EPB41L1: variants seen among roughly 807,000 people sequenced by gnomAD.
EPB41L1 encodes band 4.1-like protein 1.
In EPB41L1, 29 loss-of-function variants were observed where a neutral mutation model predicts 97.8. That is an observed-to-expected ratio of 0.30 (90% CI 0.22 to 0.40). The LOEUF is 0.40. Among genes scored for constraint, EPB41L1 ranks in the 10% least tolerant of loss-of-function variants. The pLI, the probability that EPB41L1 is intolerant of heterozygous loss-of-function variation, is 1.00. For synonymous variants in EPB41L1, 383 were observed against 459.2 expected (o/e 0.83, Z 2.12); for missense variants, 812 against 1,162.3 (o/e 0.70, Z 4.38).
At chr20:36,175,326 A>G (rs1022611281) in intron 2 of EPB41L1, among the ~76,000 whole-genome samples, 1 of 152,154 alleles carries the variant, frequency 6.6e-6, no homozygotes, top group Non-Finnish European at 1.5e-5. Context: ...CCTGCAGGGA[A>G]GATGGGGACC....
chr20:36,126,424 T>C (rs1344144112), intron 2 of EPB41L1, among the ~76,000 whole-genome samples: 3 of 150,474 alleles, frequency 2.0e-5, no homozygotes, highest in Non-Finnish European at 4.4e-5. Flanking sequence ...TGGAGTGCAA[T>C]GGCGTGATCT....
At chr20:36,150,051 A>G (rs2059985859), upstream of EPB41L1, 1 of 151,782 alleles carries the variant, frequency 6.6e-6, no homozygotes, top group East Asian at 1.9e-4. Flanking sequence ...TTAACCCAAT[A>G]CATTCATAAG....
Position 36,206,716 on chromosome 20 carries a change from G to A in EPB41L1, c.1669-2772G>A, listed in dbSNP as rs773405744. The A allele has an allele frequency of 1.7e-4, 224 of 1,289,712 alleles. No homozygotes were observed. The highest frequency in any genetic ancestry group is 2.0e-4 in the Non-Finnish European group (198 of 988,872). 79.9% of individuals were successfully genotyped at this position (1,289,712 alleles called of 1,614,324 possible). ...ACCTGGTGACCTGAAGGGATCTCCC[G>A]CAGGACAGACGTTTGCTGAAGGCTG... On this transcript the variant is annotated intron_variant, in intron 14 of 21. Coordinates refer to ENST00000338074, the MANE Select transcript of EPB41L1 (RefSeq NM_012156.2). This position sits in a 1 kb window ranked among gnomAD's most constrained non-coding sequence, Gnocchi z 5.5.
At position 36,232,145 on chromosome 20, in the gene EPB41L1, A is replaced by G. The variant is rs1056941386; in HGVS notation, c.*2805A>G. On this transcript the variant is annotated 3_prime_UTR_variant, in exon 22 of 22. Coordinates refer to ENST00000338074, the MANE Select transcript of EPB41L1 (RefSeq NM_012156.2). ...GGAGGAGGGGACCTGCAAAGCTAGA[A>G]TCTAGGGCACTGTTTCCTCCCCATC... is the stretch of plus-strand genomic sequence containing the variant. The G allele has an allele frequency of 3.3e-5, 5 of 153,386 alleles. No individual in the cohort carries two copies. Among genetic ancestry groups the G allele is most frequent in the Middle Eastern group, 6.7e-3 (2 of 298 alleles). The allele number at this position is 153,386 out of a possible 1,614,324, so 9.5% of individuals were successfully genotyped here. A position where few individuals can be genotyped will look rare whatever the true frequency, so the allele number is the denominator to read the frequency against.
At chr20:36,140,610 G>T (rs919605065) in intron 2 of EPB41L1, among the ~76,000 whole-genome samples, 1 of 152,110 alleles carries the variant, frequency 6.6e-6, no homozygotes, top group Non-Finnish European at 1.5e-5. Context: ...GGAAGAATCC[G>T]TGTATTTCAG....
chr20:36,118,765 G>A (rs2058663372), intron 2 of EPB41L1, among the ~76,000 whole-genome samples: 1 of 152,134 alleles, frequency 6.6e-6, no homozygotes, highest in Non-Finnish European at 1.5e-5. Flanking sequence ...ATTAATGAAT[G>A]TAAATTTATT....
rs144787915 is a variant in EPB41L1, at chr20:36,140,095, C to T, written c.-10+27615C>T. Among the ~76,000 whole-genome samples the T allele has an allele frequency of 4.4e-3, 671 of 151,764 alleles. 2 individuals are homozygous for T. The highest frequency in any genetic ancestry group is 0.014 in the Middle Eastern group (4 of 292). Reference sequence around the variant, plus strand: ...TTTGAGACAGAGTCTCGCTCTGTCACCCAGGCTGGAGTGCAGAAGCGCAAT... The same window carrying T: ...TTTGAGACAGAGTCTCGCTCTGTCATCCAGGCTGGAGTGCAGAAGCGCAAT... On this transcript the variant is annotated intron_variant, in intron 2 of 19. Transcript: ENST00000202028.
chr20:36,211,371 A>T (rs1319990271), intron 15 of EPB41L1, among the ~76,000 whole-genome samples: 1 of 152,048 alleles, frequency 6.6e-6, no homozygotes, highest in Middle Eastern at 3.2e-3. Flanking sequence ...ACGGAACGAG[A>T]TTCCATCTCA....
At chr20:36,181,612 A>G (rs2061475115) in intron 5 of EPB41L1, among the ~76,000 whole-genome samples, 1 of 152,216 alleles carries the variant, frequency 6.6e-6, no homozygotes, top group African/African-American at 2.4e-5. Flanking sequence ...GAGTTTTCCA[A>G]CATGTGTTCT....
chr20:36,192,187 T>C (rs2061985087), intron 11 of EPB41L1, among the ~76,000 whole-genome samples: 1 of 151,184 alleles, frequency 6.6e-6, no homozygotes, highest in Non-Finnish European at 1.5e-5. Context: ...CACCATTGCA[T>C]TCCAGCCTGG....
At chr20:36,188,032 A>G (rs865978968) in intron 8 of EPB41L1, among the ~76,000 whole-genome samples, 2 of 152,188 alleles carry the variant, frequency 1.3e-5, no homozygotes, top group Admixed American at 6.5e-5. Context: ...GTTTATTTCT[A>G]TATCCCTAGC....
At chr20:36,135,107 A>G (rs539856508) in intron 2 of EPB41L1, among the ~76,000 whole-genome samples, 1 of 151,832 alleles carries the variant, frequency 6.6e-6, no homozygotes, top group Non-Finnish European at 1.5e-5. Context: ...AAGTGACCCG[A>G]CCACCTCGGC....
At position 36,229,847 on chromosome 20, in the gene EPB41L1, C is replaced by G. The variant is rs1371066429; in HGVS notation, c.*507C>G. 2 of 152,784 alleles carry G rather than the reference C, an allele frequency of 1.3e-5. No individual in the cohort carries two copies. Among genetic ancestry groups the G allele is most frequent in the Non-Finnish European group, 2.9e-5 (2 of 68,192 alleles). The allele number at this position is 152,784 out of a possible 1,614,324, so 9.5% of individuals were successfully genotyped here. A position where few individuals can be genotyped will look rare whatever the true frequency, so the allele number is the denominator to read the frequency against. ...TTGAATGCAAAGGAAAACACTTGCA[C>G]AGCAAAGCAAGAGAAGTCACAGCAG... On this transcript the variant is annotated 3_prime_UTR_variant, in exon 22 of 22. Coordinates refer to ENST00000338074, the MANE Select transcript of EPB41L1 (RefSeq NM_012156.2).
rs2062097258 is a variant in EPB41L1 at position 36,194,453 on chromosome 20, T to G, written c.1449+93T>G. 4 of 1,492,358 alleles carry G rather than the reference T, an allele frequency of 2.7e-6. No individual in the cohort carries two copies. The South Asian group carries it at 3.6e-5, about 14-fold the overall frequency. 92.4% of individuals were successfully genotyped at this position (1,492,358 alleles called of 1,614,324 possible). On this transcript the variant is annotated intron_variant, in intron 12 of 21. Coordinates refer to ENST00000338074, the MANE Select transcript of EPB41L1 (RefSeq NM_012156.2). ...GCCTTGACCTTCACATGCCTCCAGC[T>G]GTGGCCAAGCACCCTTACTATGGAG...
chr20:36,197,635 T>A, intron 13 of EPB41L1: 1 of 985,384 alleles, frequency 1.0e-6, no homozygotes, highest in Non-Finnish European at 1.2e-6. Context: ...AGACATCTCC[T>A]CTTTTTCATC....
In EPB41L1 at chr20:36,185,325, A is replaced by G. The variant is rs747080627; in HGVS notation, c.775A>G (p.Lys259Glu). The G allele has an allele frequency of 5.6e-6, 9 of 1,612,924 alleles. No individual in the cohort carries two copies. Among genetic ancestry groups the G allele is most frequent in the Admixed American group, 1.7e-5 (1 of 60,028 alleles). ...GGAGGAGAGGATCATGGAGCTGCAT[A>G]AGACATATAGGTAAGAGGGTGCCAG... ...ELEERIMELH[K>E]TYRGMTPGEA... The change falls in exon 7 of 22, where the codon AAG becomes GAG. Residue 259 changes from lysine (K) to glutamate (E), a missense_variant. Lys to Glu is a moderately conservative substitution (Grantham distance 56). This residue lies in a region of EPB41L1 where 230 missense variants were observed against 445.2 expected (regional missense o/e 0.52). Coordinates refer to ENST00000338074, the MANE Select transcript of EPB41L1 (RefSeq NM_012156.2).
At chr20:36,169,093 G>T (rs1437620366) in intron 1 of EPB41L1, among the ~76,000 whole-genome samples, 3 of 151,840 alleles carry the variant, frequency 2.0e-5, no homozygotes, top group African/African-American at 7.3e-5. Context: ...GGCTGCGGTG[G>T]CGGTCACCTG....
intron 1 of EPB41L1, among the ~76,000 whole-genome samples, chr20:36,111,940 G>A (rs1311155095): frequency 6.6e-6 from 1 of 152,096 alleles, no homozygotes; most frequent in Admixed American, 6.6e-5. Flanking sequence ...TGGAGGTTGG[G>A]GCCCCTGCTC....
intron 15 of EPB41L1, among the ~76,000 whole-genome samples, chr20:36,211,183 T>C (rs1324062065): frequency 6.6e-6 from 1 of 151,674 alleles, no homozygotes; most frequent in Non-Finnish European, 1.5e-5. Flanking sequence ...GGTCAGGAGT[T>C]CAAGACCACC....
Sources: gnomAD v4.1 joint callset for allele counts (sites outside exome capture counted in the v4.1 genomes callset) on GRCh38, gnomAD v4.1.1 for gene constraint, gnomAD v4.1.1 regional missense constraint, Gnocchi (gnomAD v3.1) non-coding constraint, MANE v1.5 for transcripts, NCBI Gene and HGNC (gene_info 2026-07-23, HGNC 2026-07-21) for gene names.